Variants in CLCN2 observed in about 807,000 individuals in gnomAD.
The protein encoded by CLCN2 is chloride voltage-gated channel 2.
CLCN2 carries 72 observed loss-of-function variants against 108.3 expected under a neutral mutation model. That is an observed-to-expected ratio of 0.66 (90% confidence interval 0.55 to 0.81). CLCN2 has a LOEUF of 0.81. Among genes scored for constraint, CLCN2 ranks in the 30% least tolerant of loss-of-function variants. CLCN2 has a pLI of 0.00. For synonymous variants in CLCN2, 471 were observed against 467.1 expected (o/e 1.01, Z -0.11); for missense variants, 1,048 against 1,205.2 (o/e 0.87, Z 1.93).
In CLCN2 at chr3:184,355,824, G is replaced by A. The variant is rs372827846; in HGVS notation, c.1086-46C>T. 1,813 of 1,518,750 alleles carry A rather than the reference G, an allele frequency of 1.2e-3. 2 individuals are homozygous for A. Among genetic ancestry groups the A allele is most frequent in the Non-Finnish European group, 1.6e-3 (1,706 of 1,096,726 alleles). The allele number at this position is 1,518,750 out of a possible 1,614,324, so 94.1% of individuals were successfully genotyped here. A position where few individuals can be genotyped will look rare whatever the true frequency, so the allele number is the denominator to read the frequency against. ...TCAGTCGTGGGTGGCCAAGGGCTGG[G>A]TGGCCTCGCATATCTCAGGGCTGAG... On this transcript the variant is annotated intron_variant, in intron 10 of 23. Coordinates refer to ENST00000265593, the MANE Select transcript of CLCN2 (RefSeq NM_004366.6). This position sits in a 1 kb window ranked among gnomAD's most constrained non-coding sequence, Gnocchi z 6.3.
Position 184,353,740 on chromosome 3 carries a change from G to A in CLCN2, c.1777C>T (p.Leu593Phe). ...IMVRDVPHVA[L>F]SCTFRDLRLA... ...CGCAGGTCCCGGAAGGTGCAGCTGA[G>A]GGCCACATGGGGAACATCCCGCACC... The change falls in exon 16 of 24, where the codon CTC becomes TTC. Residue 593 changes from leucine to phenylalanine, a missense_variant. Leu to Phe is a conservative substitution (Grantham distance 22). Transcript: ENST00000265593. The A allele has an allele frequency of 6.2e-7, 1 of 1,607,456 alleles. No homozygotes were observed. The highest frequency in any genetic ancestry group is 1.1e-5 in the South Asian group (1 of 89,770).
rs1442890311 is a variant in CLCN2 at position 184,355,181 on chromosome 3, C to G, written c.1326+193G>C. Reference sequence around the variant, plus strand: ...GGAAGCAGATGGCTTGGGTTCAGATCATCGCTCTGCCCTCTAGCTGTGTGA... The same window carrying G: ...GGAAGCAGATGGCTTGGGTTCAGATGATCGCTCTGCCCTCTAGCTGTGTGA... On this transcript the variant is annotated intron_variant, in intron 12 of 23. Coordinates refer to ENST00000265593, the MANE Select transcript of CLCN2 (RefSeq NM_004366.6). This position sits in a 1 kb window ranked among gnomAD's most constrained non-coding sequence, Gnocchi z 6.3. The G allele has an allele frequency of 1.3e-6, 1 of 792,274 alleles. No individual in the cohort carries two copies. Among genetic ancestry groups the G allele is most frequent in the Non-Finnish European group, 2.2e-6 (1 of 464,136 alleles). 49.1% of individuals were successfully genotyped at this position (792,274 alleles called of 1,614,324 possible). A position where few individuals can be genotyped will look rare whatever the true frequency, so the allele number is the denominator to read the frequency against.
At chr3:184,352,219 A>G in intron 21 of CLCN2, 74 bp downstream of exon 21, 2 of 1,607,700 alleles carry the variant, frequency 1.2e-6, no homozygotes, top group Non-Finnish European at 1.7e-6. Context: ...GGTCCCTCCC[A>G]TGGGGACAGC....
chr3:184,354,313 C>T lies in CLCN2; in HGVS notation c.1509G>A (p.Gly503=). The change falls in exon 15 of 24, where the codon GGG becomes GGA. Residue 503 remains glycine, a splice_region_variant and synonymous_variant. Transcript: ENST00000265593. Reference sequence around the variant, plus strand: ...TCACCGCTCCTGCCAGCGCAGCTGCCCCTGGGGACAGTCACACTCAGTCTC... The same window carrying T: ...TCACCGCTCCTGCCAGCGCAGCTGCTCCTGGGGACAGTCACACTCAGTCTC... The part of the protein sequence containing the change: ...RIVPGGYAVV[G]AAALAGAVTH... The T allele has an allele frequency of 6.2e-7, 1 of 1,612,942 alleles. No individual in the cohort carries two copies. Among genetic ancestry groups the T allele is most frequent in the Non-Finnish European group, 8.5e-7 (1 of 1,179,938 alleles).
At position 184,358,302 on chromosome 3, in the gene CLCN2, A is replaced by G; in HGVS notation, c.361T>C (p.Trp121Arg). 6.2e-7 allele frequency: 1 copy of G among 1,613,954 alleles called. No individual in the cohort carries two copies. The highest frequency in any genetic ancestry group is 8.5e-7 in the Non-Finnish European group (1 of 1,180,036). The change falls in exon 4 of 24, where the codon TGG (tryptophan) becomes CGG (arginine). Residue 121 changes from tryptophan (W) to arginine (R), a missense_variant. Coordinates refer to ENST00000265593, the MANE Select transcript of CLCN2 (RefSeq NM_004366.6). Reference protein sequence around the residue: ...AIAACLQAQQWMSRGLNTSIL... With the variant: ...AIAACLQAQQRMSRGLNTSIL... ...CTGGTGTTCAAGCCCCGGGACATCC[A>G]CTGCTGGGCTGTGGGAAGAGGACCT... is the stretch of plus-strand genomic sequence containing the variant.
At position 184,352,768 on chromosome 3, in the gene CLCN2, C is replaced by T. The variant is rs1408149159; in HGVS notation, c.2186G>A (p.Cys729Tyr). 2.5e-6 allele frequency: 4 copies of T among 1,613,124 alleles called. No homozygotes were observed. Among genetic ancestry groups the T allele is most frequent in the African/African-American group, 2.7e-5 (2 of 74,956 alleles). ...SAGIALRSLF[C>Y]GSPPPEAASE... Reference sequence around the variant, plus strand: ...AGCAGCCTCAGGGGGTGGACTGCCACAGAAGAGGCTCCGGAGGGCGATGCC... The same window carrying T: ...AGCAGCCTCAGGGGGTGGACTGCCATAGAAGAGGCTCCGGAGGGCGATGCC... Residue 729 changes from cysteine (C) to tyrosine (Y), a missense_variant, in exon 19 of 24, where the codon TGT becomes TAT. Cys to Tyr is a radical substitution (Grantham distance 194). Coordinates refer to ENST00000265593, the MANE Select transcript of CLCN2 (RefSeq NM_004366.6).
In CLCN2 at chr3:184,346,415, T is replaced by A; in HGVS notation, c.*191A>T. On this transcript the variant is annotated 3_prime_UTR_variant, in exon 24 of 24. Coordinates refer to ENST00000265593, the MANE Select transcript of CLCN2 (RefSeq NM_004366.6). This position sits in a 1 kb window ranked among gnomAD's most constrained non-coding sequence, Gnocchi z 6.0. ...TATCTTCCTGCCTCTGGAAGACTTGTTGCAGGTGGGTAGTGGGTCAGATTC... is the reference window on the plus strand; with the variant it reads ...TATCTTCCTGCCTCTGGAAGACTTGATGCAGGTGGGTAGTGGGTCAGATTC... 1 of 668,716 alleles carries A rather than the reference T, an allele frequency of 1.5e-6. No individual in the cohort carries two copies. Among genetic ancestry groups the A allele is most frequent in the Non-Finnish European group, 2.6e-6 (1 of 379,292 alleles). 41.4% of individuals were successfully genotyped at this position (668,716 alleles called of 1,614,324 possible).
chr3:184,352,915 GC>G, intron 18 of CLCN2, 105 bp from the exon 19 acceptor site: 1 of 1,525,870 alleles, frequency 6.6e-7, no homozygotes, highest in Non-Finnish European at 9.1e-7. Flanking sequence ...TCCAGCCCTG[GC>G]CCATGTGGGC....
chr3:184,348,479 G>A (rs1478604297), intron 22 of CLCN2: 1 of 122,974 alleles, frequency 8.1e-6, no homozygotes, highest in Non-Finnish European at 1.6e-5. Flanking sequence ...AGAGTGAGAC[G>A]CTGTCGTCTC....
At position 184,346,497 on chromosome 3, in the gene CLCN2, A is replaced by T; in HGVS notation, c.*109T>A. On this transcript the variant is annotated 3_prime_UTR_variant, in exon 24 of 24. Transcript: ENST00000265593. This position sits in a 1 kb window ranked among gnomAD's most constrained non-coding sequence, Gnocchi z 6.0. ...CCAGGTCTGGAGGGGGCTGGGGTGC[A>T]GCCTCCAGCTGTAGCTGCCTCCTGC... is the stretch of plus-strand genomic sequence containing the variant. The T allele has an allele frequency of 3.0e-6, 4 of 1,323,476 alleles. No homozygotes were observed. Among genetic ancestry groups the T allele is most frequent in the Non-Finnish European group, 1.1e-6 (1 of 938,794 alleles). 82.0% of individuals were successfully genotyped at this position (1,323,476 alleles called of 1,614,324 possible).
intron 3 of CLCN2, 21 bp downstream of exon 3, chr3:184,358,661 C>T: frequency 6.4e-7 from 1 of 1,561,642 alleles, no homozygotes; most frequent in Non-Finnish European, 8.7e-7. Context: ...CAGTCCTCCC[C>T]CTGCCAGCTG....
intron 22 of CLCN2, among the ~76,000 whole-genome samples, chr3:184,350,881 G>A (rs1466491817): frequency 6.6e-6 from 1 of 152,122 alleles, no homozygotes; most frequent in African/African-American, 2.4e-5. Context: ...ACAGTGTCTC[G>A]CACATAGCAA....
At chr3:184,359,969 T>C (rs1711778473) in intron 1 of CLCN2, among the ~76,000 whole-genome samples, 1 of 105,196 alleles carries the variant, frequency 9.5e-6, no homozygotes, top group Non-Finnish European at 1.8e-5. Context: ...CACAAAGGGC[T>C]CCTGTTGGGG....
At position 184,355,867 on chromosome 3, in the gene CLCN2, G is replaced by C; in HGVS notation, c.1086-89C>G. ...GGGCTGAGGTCAGAGCAGAGCCTTGGCTCTTTCATGAAAACACTCAGTCCT... is the reference window on the plus strand; with the variant it reads ...GGGCTGAGGTCAGAGCAGAGCCTTGCCTCTTTCATGAAAACACTCAGTCCT... On this transcript the variant is annotated intron_variant, in intron 10 of 23. Transcript: ENST00000265593. This position sits in a 1 kb window ranked among gnomAD's most constrained non-coding sequence, Gnocchi z 6.3. 1 of 1,042,972 alleles carries C rather than the reference G, an allele frequency of 9.6e-7. No homozygotes were observed. Among genetic ancestry groups the C allele is most frequent in the Middle Eastern group, 2.0e-4 (1 of 4,984 alleles). The allele number at this position is 1,042,972 out of a possible 1,614,324, so 64.6% of individuals were successfully genotyped here.
rs1330374141 is a variant in CLCN2 at position 184,361,520 on chromosome 3, T to C, written c.-41A>G. The C allele has an allele frequency of 1.2e-6, 2 of 1,602,866 alleles. No homozygotes were observed. Among genetic ancestry groups the C allele is most frequent in the Non-Finnish European group, 1.7e-6 (2 of 1,178,360 alleles). On this transcript the variant is annotated 5_prime_UTR_variant, in exon 1 of 24. Coordinates refer to ENST00000265593, the MANE Select transcript of CLCN2 (RefSeq NM_004366.6). This position sits in a 1 kb window ranked among gnomAD's most constrained non-coding sequence, Gnocchi z 6.6. ...TCTCGCCTCCCTCGGCGGTTCCGGC[T>C]CTGTCCTGGACTCGGCTCCCGGCCC...
In CLCN2 at chr3:184,355,066, G is replaced by T; in HGVS notation, c.1327-93C>A. Reference sequence around the variant, plus strand: ...CAGGAGAAGTCTACCTCGCTGATCAGGTGGGCGTAACCCTCCCAGCCACCC... The same window carrying T: ...CAGGAGAAGTCTACCTCGCTGATCATGTGGGCGTAACCCTCCCAGCCACCC... On this transcript the variant is annotated intron_variant, in intron 12 of 23. Transcript: ENST00000265593. The surrounding 1 kb of genome is among the most constrained non-coding windows in gnomAD (Gnocchi z 6.3). 7.9e-7 allele frequency: 1 copy of T among 1,261,322 alleles called. No homozygotes were observed. Among genetic ancestry groups the T allele is most frequent in the Non-Finnish European group, 1.2e-6 (1 of 867,526 alleles). The allele number at this position is 1,261,322 out of a possible 1,614,324, so 78.1% of individuals were successfully genotyped here. A position where few individuals can be genotyped will look rare whatever the true frequency, so the allele number is the denominator to read the frequency against.
intron 15 of CLCN2, 56 bp downstream of exon 15, chr3:184,354,045 T>A: frequency 3.2e-6 from 5 of 1,555,384 alleles, no homozygotes; most frequent in Non-Finnish European, 4.4e-6. Context: ...TGTAGGGGGA[T>A]CTAGGATGCC....
intron 1 of CLCN2, 103 bp from the exon 2 acceptor site, chr3:184,359,234 G>T: frequency 7.2e-7 from 1 of 1,391,642 alleles, no homozygotes; most frequent in Non-Finnish European, 1.0e-6. Flanking sequence ...CCCCCACACT[G>T]GATATCCCTC....
chr3:184,361,301 C>T lies in CLCN2; in HGVS notation c.63+116G>A. 1 of 1,127,798 alleles carries T rather than the reference C, an allele frequency of 8.9e-7. No homozygotes were observed. Among genetic ancestry groups the T allele is most frequent in the South Asian group, 1.2e-5 (1 of 81,068 alleles). The allele number at this position is 1,127,798 out of a possible 1,614,324, so 69.9% of individuals were successfully genotyped here. A position where few individuals can be genotyped will look rare whatever the true frequency, so the allele number is the denominator to read the frequency against. ...CTCAGACTTCCAAGCCTCAGTTTCC[C>T]CAGCTCAAAATGCTAGGACAGGATT... On this transcript the variant is annotated intron_variant, in intron 1 of 23. Transcript: ENST00000265593. The surrounding 1 kb of genome is among the most constrained non-coding windows in gnomAD (Gnocchi z 6.6).
Sources: allele counts gnomAD v4.1 joint callset (sites outside exome capture counted in the v4.1 genomes callset), GRCh38; gene constraint gnomAD v4.1.1; non-coding constraint Gnocchi (gnomAD v3.1); transcripts MANE v1.5; gene names NCBI Gene and HGNC (gene_info 2026-07-23, HGNC 2026-07-21).